CRY1: variants seen among roughly 807,000 people sequenced by gnomAD.
The protein encoded by CRY1 is cryptochrome-1.
CRY1 carries 45 observed loss-of-function variants against 76.0 expected under a neutral mutation model. The ratio of observed to expected loss-of-function variants is 0.59; its 90% confidence interval spans 0.47 to 0.76. The LOEUF (loss-of-function observed/expected upper bound fraction) is 0.76, where lower values mean the gene tolerates loss of function less well. Among genes scored for constraint, CRY1 ranks in the 30% least tolerant of loss-of-function variants. The probability of loss-of-function intolerance (pLI) is 0.00; values close to 1 mark genes in which losing one functional copy is unlikely to be tolerated. For synonymous variants in CRY1, 248 were observed against 244.0 expected, an observed-to-expected ratio of 1.02 and a Z score of -0.15; for missense variants, 587 against 716.4, an observed-to-expected ratio of 0.82 and a Z score of 2.06.
chr12:107,036,001 T>C (rs1224712989), intron 1 of CRY1, among the ~76,000 whole-genome samples: 1 of 152,118 alleles, frequency 6.6e-6, no homozygotes, highest in Non-Finnish European at 1.5e-5. Flanking sequence ...TCATGCTGAG[T>C]TCACTGCAGC....
At chr12:107,023,763 C>T (rs982828314) in intron 1 of CRY1, among the ~76,000 whole-genome samples, 2 of 152,200 alleles carry the variant, frequency 1.3e-5, no homozygotes, top group African/African-American at 4.8e-5. Context: ...TATATTTTAT[C>T]ACATCCCTTT....
At chr12:107,031,252 T>C (rs1952670728) in intron 1 of CRY1, among the ~76,000 whole-genome samples, 2 of 152,132 alleles carry the variant, frequency 1.3e-5, no homozygotes, top group Admixed American at 6.5e-5. Context: ...ACTCTGAGCT[T>C]CATCTGGGTT....
chr12:107,047,628 G>A (rs1464505717), intron 1 of CRY1, among the ~76,000 whole-genome samples: 1 of 152,106 alleles, frequency 6.6e-6, no homozygotes, highest in Non-Finnish European at 1.5e-5. Flanking sequence ...CCTTCCTGCT[G>A]CCACGTGAAG....
At chr12:107,016,233 C>T (rs943115859) in intron 2 of CRY1, among the ~76,000 whole-genome samples, 6 of 152,234 alleles carry the variant, frequency 3.9e-5, no homozygotes, top group African/African-American at 1.4e-4. Context: ...TCACTTGAAC[C>T]CAGGAGGTGG....
At position 107,034,355 on chromosome 12, in the gene CRY1, C is replaced by T. The variant is rs561589958; in HGVS notation, c.159-12163G>A. On this transcript the variant is annotated intron_variant, in intron 1 of 12. Coordinates refer to ENST00000008527, the MANE Select transcript of CRY1 (RefSeq NM_004075.5). ...AACTCCCCACCACTTTTCCGGAAAA[C>T]TCATGAATAAGCCACCCCTTGTTTA... Among the ~76,000 whole-genome samples, 13 of 152,196 alleles carry T rather than the reference C, an allele frequency of 8.5e-5. No individual in the cohort carries two copies. The South Asian group carries it at 2.1e-3, about 24-fold the overall frequency.
chr12:107,066,390 T>TAG (rs1953111335), intron 1 of CRY1, among the ~76,000 whole-genome samples: 1 of 152,350 alleles, frequency 6.6e-6, no homozygotes, highest in African/African-American at 2.4e-5. Context: ...TAAATGTACA[T>TAG]AGAGAGACCC....
intron 1 of CRY1, chr12:107,050,176 G>T (rs1343994160): frequency 6.6e-6 from 1 of 152,106 alleles, no homozygotes; most frequent in African/African-American, 2.4e-5. Flanking sequence ...AGAAAAAATG[G>T]AAAGGTAGAG....
chr12:107,089,452 A>G (rs1398272396), intron 1 of CRY1, among the ~76,000 whole-genome samples: 1 of 152,128 alleles, frequency 6.6e-6, no homozygotes, highest in African/African-American at 2.4e-5. Context: ...CTCCTGCCTC[A>G]GCCTCCTGAG....
intron 1 of CRY1, among the ~76,000 whole-genome samples, chr12:107,073,891 G>A (rs1488261247): frequency 6.6e-6 from 1 of 152,068 alleles, no homozygotes; most frequent in Non-Finnish European, 1.5e-5. Context: ...TTCAGTCCCT[G>A]CTAACCAACT....
intron 1 of CRY1, among the ~76,000 whole-genome samples, chr12:107,065,777 A>G (rs1953103002): frequency 6.6e-6 from 1 of 152,220 alleles, no homozygotes; most frequent in Non-Finnish European, 1.5e-5. Flanking sequence ...TGAGACACTT[A>G]TTCCTAACAT....
chr12:107,022,497 T>C (rs1460759542), intron 1 of CRY1, among the ~76,000 whole-genome samples: 1 of 151,962 alleles, frequency 6.6e-6, no homozygotes, highest in Non-Finnish European at 1.5e-5. Context: ...ATTAAATTGG[T>C]TTCATTGTTT....
At chr12:107,014,403 GA>G (rs1005099874) in intron 2 of CRY1, among the ~76,000 whole-genome samples, 1 of 152,002 alleles carries the variant, frequency 6.6e-6, no homozygotes, top group East Asian at 1.9e-4. Flanking sequence ...CTAGCCCAGG[GA>G]AAAAAAGCAC....
Position 107,058,763 on chromosome 12 carries a change from T to C in CRY1, c.158+34041A>G, listed in dbSNP as rs543114973. 4.6e-5 allele frequency among the ~76,000 whole-genome samples: 7 copies of C among 152,332 alleles called. No individual in the cohort carries two copies. The South Asian group carries it at 8.3e-4, about 18-fold the overall frequency. On this transcript the variant is annotated intron_variant, in intron 1 of 12. Coordinates refer to ENST00000008527, the MANE Select transcript of CRY1 (RefSeq NM_004075.5). ...TTGATAAGATTTTTAACTGGATGAA[T>C]TGTAGCCAATAAAGTATTGTTGAAT...
chr12:107,031,621 T>C (rs1433793889), intron 1 of CRY1, among the ~76,000 whole-genome samples: 1 of 152,172 alleles, frequency 6.6e-6, no homozygotes, highest in Non-Finnish European at 1.5e-5. Context: ...TTATGTTCAC[T>C]CTGACTTAAT....
Position 107,063,323 on chromosome 12 carries a change from T to C in CRY1, c.158+29481A>G, listed in dbSNP as rs554517310. ...ATACGCTATTAATTAAGAAATAAAT[T>C]TGGTTTTAAATATTCTTGGTTGAGT... On this transcript the variant is annotated intron_variant, in intron 1 of 12. Transcript: ENST00000008527. 2.0e-5 allele frequency among the ~76,000 whole-genome samples: 3 copies of C among 152,244 alleles called. No homozygotes were observed. In the South Asian group the frequency reaches 6.2e-4, roughly 32 times the overall value.
chr12:107,065,371 T>C (rs1311797009), intron 1 of CRY1, among the ~76,000 whole-genome samples: 4 of 152,136 alleles, frequency 2.6e-5, no homozygotes, highest in South Asian at 2.1e-4. Context: ...GGCGGGCGGA[T>C]AACCTGAGGT....
At chr12:106,995,104 T>G (rs918164202) in intron 10 of CRY1, among the ~76,000 whole-genome samples, 1 of 152,214 alleles carries the variant, frequency 6.6e-6, no homozygotes, top group Admixed American at 6.5e-5. Flanking sequence ...GAATCTTAGC[T>G]CAACTACTTA....
chr12:107,032,641 T>G (rs1344282451), intron 1 of CRY1, among the ~76,000 whole-genome samples: 2 of 152,150 alleles, frequency 1.3e-5, no homozygotes, highest in Non-Finnish European at 2.9e-5. Context: ...CTGGGCAACA[T>G]GGAGAAACCC....
At chr12:107,089,150 T>C (rs1378068159) in intron 1 of CRY1, among the ~76,000 whole-genome samples, 3 of 152,258 alleles carry the variant, frequency 2.0e-5, no homozygotes, top group Non-Finnish European at 4.4e-5. Flanking sequence ...CATCAACTGA[T>C]GGCCATTTGG....
Sources: allele counts gnomAD v4.1 joint callset (sites outside exome capture counted in the v4.1 genomes callset), GRCh38; gene constraint gnomAD v4.1.1; transcripts MANE v1.5; gene names NCBI Gene and HGNC (gene_info 2026-07-23, HGNC 2026-07-21).